Variants in B4GALNT2 observed in about 807,000 individuals in gnomAD.
The protein encoded by B4GALNT2 is beta-1,4-N-acetyl-galactosaminyltransferase 2 (SID blood group).
B4GALNT2 carries 42 observed loss-of-function variants against 51.1 expected under a neutral mutation model. The observed-to-expected ratio is 0.82, with a 90% confidence interval of 0.64 to 1.06. The LOEUF is 1.06. Among genes scored for constraint, B4GALNT2 ranks in the 50% least tolerant of loss-of-function variants. The probability of loss-of-function intolerance (pLI) is 0.00; values close to 1 mark genes in which losing one functional copy is unlikely to be tolerated. For missense variants in B4GALNT2, 602 were observed against 633.6 expected (o/e 0.95, Z 0.54); for synonymous variants, 253 against 251.7 (o/e 1.01, Z -0.05).
chr17:49,161,175 T>C (rs1033983232), intron 7 of B4GALNT2, among the ~76,000 whole-genome samples: 14 of 151,278 alleles, frequency 9.3e-5, no homozygotes, highest in African/African-American at 3.4e-4. Flanking sequence ...CTCTGGAGGC[T>C]GAGGCAGGAG....
chr17:49,139,670 C>T lies in B4GALNT2; in HGVS notation c.15-1577C>T, dbSNP rs1017729574. 3.3e-5 allele frequency among the ~76,000 whole-genome samples: 5 copies of T among 152,112 alleles called. No individual in the cohort carries two copies. In the South Asian group the frequency reaches 6.2e-4, roughly 19 times the overall value. The stretch of plus-strand genomic sequence containing the variant: ...TAGTTAGGACTATAGGCACATGCCA[C>T]GGTGCTTGGCTATTTTTCAATTTTT... On this transcript the variant is annotated intron_variant, in intron 1 of 10. Coordinates refer to ENST00000393354, the MANE Select transcript of B4GALNT2 (RefSeq NM_001159387.2).
rs2042974238 is a variant in B4GALNT2, at chr17:49,174,196, C to T, written c.*4468C>T. The stretch of plus-strand genomic sequence containing the variant: ...AATCAAATTTTGCAAGTGATCATAA[C>T]ATTGGAGTAATATTTCTCGAGTGGG... On this transcript the variant is annotated 3_prime_UTR_variant, in exon 11 of 11. Coordinates refer to ENST00000393354, the MANE Select transcript of B4GALNT2 (RefSeq NM_001159387.2). 2 of 152,140 alleles carry T rather than the reference C, an allele frequency of 1.3e-5. No homozygotes were observed. The highest frequency in any genetic ancestry group is 2.4e-5 in the African/African-American group (1 of 41,416). 9.4% of individuals were successfully genotyped at this position (152,140 alleles called of 1,614,324 possible).
the B4GALNT2 span, among the ~76,000 whole-genome samples, chr17:49,124,417 G>A: frequency 6.6e-6 from 1 of 152,154 alleles, no homozygotes; most frequent in African/African-American, 2.4e-5. Flanking sequence ...ATGACAAAAA[G>A]TTTTAGGGTA....
At chr17:49,127,446 C>G in the B4GALNT2 span, among the ~76,000 whole-genome samples, 38 of 152,130 alleles carry the variant, frequency 2.5e-4, no homozygotes, top group Non-Finnish European at 4.4e-4. Context: ...TCTAATCTTA[C>G]TGTACCAGTA....
chr17:49,153,453 A>T (rs1177947144), intron 4 of B4GALNT2, among the ~76,000 whole-genome samples: 2 of 152,094 alleles, frequency 1.3e-5, no homozygotes, highest in East Asian at 3.9e-4. Flanking sequence ...AGTATGGAGC[A>T]GACATTCATT....
Position 49,168,844 on chromosome 17 carries a change from C to A in B4GALNT2, c.1259C>A (p.Thr420Lys). 1 of 1,613,570 alleles carries A rather than the reference C, an allele frequency of 6.2e-7. No individual in the cohort carries two copies. Among genetic ancestry groups the A allele is most frequent in the Non-Finnish European group, 8.5e-7 (1 of 1,180,014 alleles). ...SGVVNFFLAH[T>K]ERLQRVGFDP... The stretch of plus-strand genomic sequence containing the variant: ...GTGGTCAACTTCTTCCTGGCCCACA[C>A]GGAGCGACTCCAAAGAGTTGGCTTT... Residue 420 changes from threonine (T) to lysine (K), a missense_variant, in exon 10 of 11, where the codon ACG (threonine) becomes AAG (lysine). Coordinates refer to ENST00000393354, the MANE Select transcript of B4GALNT2 (RefSeq NM_001159387.2).
chr17:49,148,568 A>G, intron 3 of B4GALNT2: 1 of 426,548 alleles, frequency 2.3e-6, no homozygotes, highest in African/African-American at 2.0e-5. Context: ...GGAGGTCATC[A>G]TGGAGATACT....
chr17:49,120,501 TG>T, the B4GALNT2 span, among the ~76,000 whole-genome samples: 1 of 151,580 alleles, frequency 6.6e-6, no homozygotes, highest in East Asian at 1.9e-4. Flanking sequence ...TGTGTGTGTG[TG>T]TGTGTGTGTG....
intron 7 of B4GALNT2, among the ~76,000 whole-genome samples, chr17:49,163,045 A>G (rs966303258): frequency 1.3e-5 from 2 of 151,810 alleles, no homozygotes; most frequent in Non-Finnish European, 2.9e-5. Context: ...ACAAACAGGT[A>G]GGGTTGTGGC....
chr17:49,120,682 G>A, the B4GALNT2 span, among the ~76,000 whole-genome samples: 1 of 151,614 alleles, frequency 6.6e-6, no homozygotes, highest in Non-Finnish European at 1.5e-5. Flanking sequence ...ATTTTTTTTT[G>A]TATTTTTAGT....
intron 1 of B4GALNT2, among the ~76,000 whole-genome samples, chr17:49,138,980 C>T (rs1012155110): frequency 1.8e-4 from 28 of 152,140 alleles, no homozygotes; most frequent in African/African-American, 6.3e-4. Context: ...AAGCTCTTGG[C>T]AGGGGGTCTA....
At chr17:49,139,152 C>T (rs530263491) in intron 1 of B4GALNT2, among the ~76,000 whole-genome samples, 86 of 151,964 alleles carry the variant, frequency 5.7e-4, no homozygotes, top group African/African-American at 1.1e-3. Flanking sequence ...TTTTATTTCC[C>T]TTTTCGTTAT....
intron 9 of B4GALNT2, among the ~76,000 whole-genome samples, chr17:49,167,442 A>G (rs2042920617): frequency 6.6e-6 from 1 of 151,936 alleles, no homozygotes; most frequent in Non-Finnish European, 1.5e-5. Context: ...TTTTTTCTTT[A>G]AATAATAAAT....
At chr17:49,155,030 C>T (rs1317024784) in intron 4 of B4GALNT2, among the ~76,000 whole-genome samples, 4 of 152,098 alleles carry the variant, frequency 2.6e-5, no homozygotes, top group Non-Finnish European at 5.9e-5. Flanking sequence ...ATATAATGGG[C>T]TGGGTGCAGT....
intron 1 of B4GALNT2, among the ~76,000 whole-genome samples, chr17:49,136,253 G>A (rs962711155): frequency 6.6e-6 from 1 of 151,608 alleles, no homozygotes; most frequent in Admixed American, 6.6e-5. Context: ...TAATACAGTG[G>A]TAATTTGCTT....
rs979698824 is a variant in B4GALNT2, at chr17:49,174,388, G to T, written c.*4660G>T. On this transcript the variant is annotated 3_prime_UTR_variant, in exon 11 of 11. Transcript: ENST00000393354. ...GAAAATGCTTAGCAGGCTGCAGGTTGTTTACTGCAGGAATTGTAAATGCAA... is the reference window on the plus strand; with the variant it reads ...GAAAATGCTTAGCAGGCTGCAGGTTTTTTACTGCAGGAATTGTAAATGCAA... 3 of 152,180 alleles carry T rather than the reference G, an allele frequency of 2.0e-5. No homozygotes were observed. Among genetic ancestry groups the T allele is most frequent in the Non-Finnish European group, 4.4e-5 (3 of 68,028 alleles). 9.4% of individuals were successfully genotyped at this position (152,180 alleles called of 1,614,324 possible). A position where few individuals can be genotyped will look rare whatever the true frequency, so the allele number is the denominator to read the frequency against.
At chr17:49,131,281 A>C (rs1567851636), upstream of B4GALNT2, among the ~76,000 whole-genome samples, 1 of 152,058 alleles carries the variant, frequency 6.6e-6, no homozygotes. Flanking sequence ...TCTCTTTTCC[A>C]GTCTGGAGCT....
chr17:49,124,277 T>A, the B4GALNT2 span, among the ~76,000 whole-genome samples: 1 of 152,226 alleles, frequency 6.6e-6, no homozygotes, highest in Admixed American at 6.5e-5. Flanking sequence ...TGAACGTTTT[T>A]CCTCTATTCT....
At chr17:49,165,029 G>T (rs1446017318) in intron 8 of B4GALNT2, among the ~76,000 whole-genome samples, 1 of 152,034 alleles carries the variant, frequency 6.6e-6, no homozygotes, top group Non-Finnish European at 1.5e-5. Context: ...GGCCAGGTTG[G>T]TCTCGAACTC....
Sources: gnomAD v4.1 joint callset for allele counts (sites outside exome capture counted in the v4.1 genomes callset) on GRCh38, gnomAD v4.1.1 for gene constraint, MANE v1.5 for transcripts, NCBI Gene and HGNC (gene_info 2026-07-23, HGNC 2026-07-21) for gene names.